Variants in KIF16B observed in about 807,000 individuals in gnomAD.
KIF16B encodes the protein kinesin family member 16B.
Under a neutral mutation model 156.3 loss-of-function variants are expected in KIF16B, and 98 were observed. The ratio of observed to expected loss-of-function variants is 0.63; its 90% CI spans 0.53 to 0.74. KIF16B has a LOEUF of 0.74. KIF16B is among the 30% of genes least tolerant of loss of function. The pLI, the probability that KIF16B is intolerant of heterozygous loss-of-function variation, is 0.00. For missense variants in KIF16B, 1,421 were observed against 1,606.5 expected (o/e 0.88, Z 1.97); for synonymous variants, 564 against 583.7 (o/e 0.97, Z 0.49).
intron 1 of KIF16B, among the ~76,000 whole-genome samples, chr20:16,535,860 T>C (rs1446174223): frequency 6.6e-6 from 1 of 152,198 alleles, no homozygotes; most frequent in South Asian, 2.1e-4. Flanking sequence ...CTGGCAAGCA[T>C]GCTAAGAAAA....
chr20:16,530,321 A>G (rs1236052904), intron 1 of KIF16B, among the ~76,000 whole-genome samples: 1 of 152,148 alleles, frequency 6.6e-6, no homozygotes, highest in Non-Finnish European at 1.5e-5. Context: ...TCTAATGACT[A>G]CAACACAAAC....
intron 16 of KIF16B, 140 bp downstream of exon 16, chr20:16,406,234 T>G (rs1195328760): frequency 1.4e-6 from 1 of 714,596 alleles, no homozygotes; most frequent in African/African-American, 1.8e-5. Flanking sequence ...ACAATCTCCC[T>G]AGAATCAATC....
chr20:16,329,159 G>T (rs767982205), intron 24 of KIF16B, among the ~76,000 whole-genome samples: 3 of 152,160 alleles, frequency 2.0e-5, no homozygotes, highest in Non-Finnish European at 4.4e-5. Flanking sequence ...CATCCAAAAA[G>T]CTAGGGGGAT....
At chr20:16,461,489 C>T (rs563100287) in intron 12 of KIF16B, among the ~76,000 whole-genome samples, 16 of 152,060 alleles carry the variant, frequency 1.1e-4, no homozygotes, top group African/African-American at 2.2e-4. Context: ...TAACAAACAA[C>T]GCTGATCATA....
At chr20:16,565,213 C>T (rs2071209285) in intron 1 of KIF16B, among the ~76,000 whole-genome samples, 1 of 152,118 alleles carries the variant, frequency 6.6e-6, no homozygotes, top group African/African-American at 2.4e-5. Flanking sequence ...ACTGAGGAGG[C>T]TCAAGAGCTT....
At chr20:16,285,235 G>C (rs2031977) in intron 25 of KIF16B, among the ~76,000 whole-genome samples, 40,761 of 152,030 alleles carry the variant, frequency 0.27, 5,514 homozygotes, top group East Asian at 0.37. Context: ...TCAAATGTGT[G>C]AGTTCTGAGC....
At chr20:16,522,140 T>C (rs925001601) in intron 3 of KIF16B, among the ~76,000 whole-genome samples, 1 of 152,124 alleles carries the variant, frequency 6.6e-6, no homozygotes, top group Non-Finnish European at 1.5e-5. Flanking sequence ...CAGCTTAGCA[T>C]CATGATGACA....
Position 16,272,196 on chromosome 20 carries a change from T to C in KIF16B, c.*1057A>G, listed in dbSNP as rs2062995176. On this transcript the variant is annotated 3_prime_UTR_variant, in exon 26 of 26. Transcript: ENST00000354981. Reference sequence around the variant, plus strand: ...AATAAAATTGGTGTGAATTATTACATATTTTGATGGAACTACTGTACAGAA... The same window carrying C: ...AATAAAATTGGTGTGAATTATTACACATTTTGATGGAACTACTGTACAGAA... 1 of 152,650 alleles carries C rather than the reference T, an allele frequency of 6.6e-6. No individual in the cohort carries two copies. The highest frequency in any genetic ancestry group is 6.5e-5 in the Admixed American group (1 of 15,286). 9.5% of individuals were successfully genotyped at this position (152,650 alleles called of 1,614,324 possible).
At chr20:16,411,896 G>C (rs1222734307) in intron 15 of KIF16B, among the ~76,000 whole-genome samples, 1 of 149,304 alleles carries the variant, frequency 6.7e-6, no homozygotes, top group Non-Finnish European at 1.5e-5. Context: ...AAAAACTTTT[G>C]GACATTTCGG....
intron 5 of KIF16B, among the ~76,000 whole-genome samples, chr20:16,511,896 A>T (rs2068966495): frequency 6.6e-6 from 1 of 152,124 alleles, no homozygotes; most frequent in African/African-American, 2.4e-5. Context: ...CACGTCTGTA[A>T]TACACTTTGG....
At chr20:16,512,015 C>T (rs554236015) in intron 5 of KIF16B, among the ~76,000 whole-genome samples, 4 of 152,006 alleles carry the variant, frequency 2.6e-5, no homozygotes, top group East Asian at 3.9e-4. Context: ...GGTGTGGTAG[C>T]GGACACCTGT....
chr20:16,547,801 G>A (rs2070471921), intron 1 of KIF16B, among the ~76,000 whole-genome samples: 1 of 152,200 alleles, frequency 6.6e-6, no homozygotes, highest in Non-Finnish European at 1.5e-5. Context: ...CAAGCACGCT[G>A]ACCATGGTCC....
At chr20:16,321,126 C>A (rs185682896) in intron 24 of KIF16B, among the ~76,000 whole-genome samples, 1 of 152,080 alleles carries the variant, frequency 6.6e-6, no homozygotes, top group Non-Finnish European at 1.5e-5. Context: ...TCTACATCTC[C>A]ATCCTCTTAT....
At chr20:16,280,842 G>A (rs1427850503) in intron 25 of KIF16B, among the ~76,000 whole-genome samples, 1 of 17,998 alleles carries the variant, frequency 5.6e-5, no homozygotes, top group Non-Finnish European at 9.7e-5. Context: ...GCGCGCGCAC[G>A]TGTGTGTGTG....
chr20:16,315,881 C>T (rs919446624), intron 24 of KIF16B, among the ~76,000 whole-genome samples: 4 of 152,146 alleles, frequency 2.6e-5, no homozygotes, highest in Admixed American at 1.3e-4. Context: ...CCAGGTCCTA[C>T]AGGTGGGGCT....
chr20:16,526,042 T>C, intron 3 of KIF16B, 50 bp downstream of exon 3: 1 of 1,077,596 alleles, frequency 9.3e-7, no homozygotes, highest in Non-Finnish European at 1.4e-6. Flanking sequence ...AGGCATGTTT[T>C]TCTCAATGTG....
At chr20:16,432,455 C>A (rs2066527516) in intron 12 of KIF16B, among the ~76,000 whole-genome samples, 1 of 152,142 alleles carries the variant, frequency 6.6e-6, no homozygotes, top group Non-Finnish European at 1.5e-5. Context: ...AACATAAATA[C>A]GATTCCTTAC....
intron 25 of KIF16B, among the ~76,000 whole-genome samples, chr20:16,310,057 C>T (rs192349672): frequency 9.2e-5 from 14 of 152,294 alleles, no homozygotes; most frequent in Admixed American, 4.6e-4. Flanking sequence ...GATTAACTTT[C>T]TATTAAAGTG....
intron 12 of KIF16B, among the ~76,000 whole-genome samples, chr20:16,443,533 G>T (rs2066858096): frequency 6.6e-6 from 1 of 152,100 alleles, no homozygotes; most frequent in Admixed American, 6.6e-5. Flanking sequence ...AGCTCCAAAG[G>T]GGTCCCCAAA....
Sources: gnomAD v4.1 joint callset for allele counts (sites outside exome capture counted in the v4.1 genomes callset) on GRCh38, gnomAD v4.1.1 for gene constraint, MANE v1.5 for transcripts, NCBI Gene and HGNC (gene_info 2026-07-23, HGNC 2026-07-21) for gene names.